CCDC148: variants seen among roughly 807,000 people sequenced by gnomAD.
The protein encoded by CCDC148 is coiled-coil domain containing 148.
A neutral mutation model predicts 85.7 loss-of-function variants in CCDC148; 89 were observed. That is an observed-to-expected ratio of 1.04 (90% CI 0.87 to 1.24). CCDC148 has a LOEUF of 1.24. Among genes scored for constraint, CCDC148 ranks in the 50% most tolerant of loss-of-function variants. The pLI is 0.00. For missense variants in CCDC148, 692 were observed against 671.7 expected (o/e 1.03, Z -0.33); for synonymous variants, 230 against 213.9 (o/e 1.08, Z -0.66).
intron 3 of CCDC148, among the ~76,000 whole-genome samples, chr2:158,344,591 G>A (rs1182911660): frequency 2.0e-5 from 3 of 151,804 alleles, no homozygotes; most frequent in Non-Finnish European, 4.4e-5. Context: ...TTCTCTTTTT[G>A]CCTTGACCTT....
chr2:158,352,916 A>G (rs1462322441), intron 2 of CCDC148, among the ~76,000 whole-genome samples: 1 of 151,886 alleles, frequency 6.6e-6, no homozygotes, highest in Non-Finnish European at 1.5e-5. Flanking sequence ...AGTGGGGGCC[A>G]ATATTCAACA....
intron 1 of CCDC148, among the ~76,000 whole-genome samples, chr2:158,435,654 A>G (rs1270209963): frequency 2.6e-5 from 4 of 152,236 alleles, no homozygotes; most frequent in Admixed American, 2.0e-4. Flanking sequence ...AACAGGCTAA[A>G]TGCTCCAATT....
At chr2:158,345,395 G>A (rs1682948384) in intron 2 of CCDC148, 77 bp from the exon 3 acceptor site, 4 of 928,584 alleles carry the variant, frequency 4.3e-6, no homozygotes, top group Non-Finnish European at 6.6e-6. Context: ...TGCTTAATCT[G>A]AATTTTCTAA....
chr2:158,435,198 A>AAGGAAAAAATGTTAAAGAC (rs1423911682), intron 1 of CCDC148, among the ~76,000 whole-genome samples: 2 of 152,208 alleles, frequency 1.3e-5, no homozygotes, highest in Non-Finnish European at 2.9e-5. Flanking sequence ...GGTGGAAATG[A>AAGGAAAAAATGTTAAAGAC]AGGAAAAAAT....
At position 158,264,234 on chromosome 2, in the gene CCDC148, C is replaced by A. The variant is rs1474820701; in HGVS notation, c.1111-13322G>T. Among the ~76,000 whole-genome samples the A allele has an allele frequency of 2.6e-5, 4 of 152,162 alleles. No homozygotes were observed. The East Asian group carries it at 7.7e-4, about 29-fold the overall frequency. Reference sequence around the variant, plus strand: ...TAGGAAACCTTCAATGAGAATACTTCTTCCGTCATCAGCTCATTCCTTTCT... The same window carrying A: ...TAGGAAACCTTCAATGAGAATACTTATTCCGTCATCAGCTCATTCCTTTCT... On this transcript the variant is annotated intron_variant, in intron 9 of 13. Coordinates refer to ENST00000283233, the MANE Select transcript of CCDC148 (RefSeq NM_138803.4).
chr2:158,220,649 C>A lies in CCDC148; in HGVS notation c.1316G>T (p.Arg439Leu), dbSNP rs200836240. 3.8e-6 allele frequency: 6 copies of A among 1,597,556 alleles called. No homozygotes were observed. Among genetic ancestry groups the A allele is most frequent in the Non-Finnish European group, 4.3e-6 (5 of 1,176,292 alleles). The change falls in exon 11 of 14, where the codon CGT becomes CTT. Residue 439 changes from arginine to leucine, a missense_variant. By Grantham distance (102) the Arg-to-Leu change is moderately radical. Transcript: ENST00000283233. ...WQEMEMRDLQ[R>L]LEELKKLIAE... ...GATTAATTTCTTCAGTTCTTCTAGA[C>A]GCTGAAGATCTCTCATTTCCATTTC...
chr2:158,339,936 A>G (rs1316267470), intron 5 of CCDC148, among the ~76,000 whole-genome samples: 1 of 152,188 alleles, frequency 6.6e-6, no homozygotes, highest in Non-Finnish European at 1.5e-5. Context: ...GCAACAGATG[A>G]CTTAATCCCC....
At chr2:158,272,296 G>C (rs2602201) in intron 9 of CCDC148, among the ~76,000 whole-genome samples, 140,513 of 152,146 alleles carry the variant, frequency 0.92, 64,935 homozygotes, top group East Asian at 0.98. Context: ...TAGAGACCAA[G>C]ACAGTATATG....
At chr2:158,234,797 T>C (rs970357921) in intron 10 of CCDC148, among the ~76,000 whole-genome samples, 3 of 152,222 alleles carry the variant, frequency 2.0e-5, no homozygotes, top group Non-Finnish European at 4.4e-5. Context: ...AGTGTGATTC[T>C]AGTTAAATTA....
intron 1 of CCDC148, among the ~76,000 whole-genome samples, chr2:158,409,050 T>G (rs1175121119): frequency 1.3e-5 from 2 of 152,028 alleles, no homozygotes; most frequent in African/African-American, 4.8e-5. Flanking sequence ...AGTTGAGTTG[T>G]TTGAATTTTA....
chr2:158,357,481 A>C (rs1236217447), intron 2 of CCDC148, among the ~76,000 whole-genome samples: 2 of 152,166 alleles, frequency 1.3e-5, no homozygotes, highest in Non-Finnish European at 2.9e-5. Context: ...TATTATGTTT[A>C]TGTTTACATA....
At chr2:158,409,732 C>A (rs1686177812) in intron 1 of CCDC148, among the ~76,000 whole-genome samples, 2 of 152,242 alleles carry the variant, frequency 1.3e-5, no homozygotes, top group African/African-American at 4.8e-5. Flanking sequence ...AATGTGAGGA[C>A]ATGAGATTTG....
chr2:158,340,299 G>A lies in CCDC148; in HGVS notation c.429C>T (p.His143=), dbSNP rs1682612773. The A allele has an allele frequency of 1.2e-6, 2 of 1,613,818 alleles. No individual in the cohort carries two copies. The highest frequency in any genetic ancestry group is 8.5e-7 in the Non-Finnish European group (1 of 1,179,926). ...TATGTGGGTGTGAATGCTGCAAAGT[G>A]TGATGCTGTCTGTATTTTAGATCTG... is the stretch of plus-strand genomic sequence containing the variant. The part of the protein sequence containing the change: ...LRADLKYRQH[H]TLQHSHPHIE... Residue 143 remains histidine, a synonymous_variant, in exon 5 of 14, where the codon CAC becomes CAT. Transcript: ENST00000283233.
chr2:158,228,110 A>G (rs1377358160), intron 10 of CCDC148, among the ~76,000 whole-genome samples: 2 of 152,202 alleles, frequency 1.3e-5, no homozygotes, highest in African/African-American at 4.8e-5. Context: ...CAAATTTACA[A>G]GAAAAAAACA....
rs112999961 is a variant in CCDC148, at chr2:158,242,811, G to A, written c.1251+7961C>T. ...AAGGCCAACATATAGTTGAATAAAG[G>A]TGTCTTTGGACTGCTCTCCTTCTAT... On this transcript the variant is annotated intron_variant, in intron 10 of 13. Transcript: ENST00000283233. Among the ~76,000 whole-genome samples, 1,258 of 150,386 alleles carry A rather than the reference G, an allele frequency of 8.4e-3. 17 individuals carry two copies. Among genetic ancestry groups the A allele is most frequent in the Middle Eastern group, 0.031 (9 of 294 alleles).
chr2:158,425,093 TA>T, intron 1 of CCDC148: 1 of 468,022 alleles, frequency 2.1e-6, no homozygotes, highest in Non-Finnish European at 4.3e-6. Flanking sequence ...ATCAATGATC[TA>T]GTGACTACTA....
chr2:158,320,207 A>T (rs1245566131), intron 7 of CCDC148, among the ~76,000 whole-genome samples: 3 of 152,216 alleles, frequency 2.0e-5, no homozygotes, highest in Non-Finnish European at 2.9e-5. Flanking sequence ...TAATTGCCAC[A>T]TAAAATGTCA....
At chr2:158,191,618 T>C (rs1685427458) in intron 11 of CCDC148, among the ~76,000 whole-genome samples, 1 of 152,036 alleles carries the variant, frequency 6.6e-6, no homozygotes, top group African/African-American at 2.4e-5. Flanking sequence ...AATATATTTA[T>C]GTATTGGGTG....
At chr2:158,225,898 A>C (rs549717396) in intron 10 of CCDC148, among the ~76,000 whole-genome samples, 111 of 152,344 alleles carry the variant, frequency 7.3e-4, no homozygotes, top group African/African-American at 2.5e-3. Flanking sequence ...TAAAAGAACT[A>C]GAGAAGCAAG....
Sources: allele counts gnomAD v4.1 joint callset (sites outside exome capture counted in the v4.1 genomes callset), GRCh38; gene constraint gnomAD v4.1.1; transcripts MANE v1.5; gene names NCBI Gene and HGNC (gene_info 2026-07-23, HGNC 2026-07-21).